The following DLGAP4 variants were observed in gnomAD, a reference collection of about 807,000 sequenced individuals.
The protein encoded by DLGAP4 is DLG associated protein 4, also known as disks large-associated protein 4.
In DLGAP4, 18 loss-of-function variants were observed where a neutral mutation model predicts 86.9. The ratio of observed to expected loss-of-function variants is 0.21; its 90% confidence interval spans 0.14 to 0.31. The LOEUF (loss-of-function observed/expected upper bound fraction) is 0.31, where lower values mean the gene tolerates loss of function less well. Ranked by LOEUF, DLGAP4 falls within the 10% of genes least tolerant of loss-of-function variation. The pLI is 1.00. For synonymous variants in DLGAP4, 548 were observed against 574.3 expected (o/e 0.95, Z 0.65); for missense variants, 1,085 against 1,362.6 (o/e 0.80, Z 3.21).
intron 2 of DLGAP4, among the ~76,000 whole-genome samples, chr20:36,375,484 G>A (rs981397738): frequency 6.6e-6 from 1 of 152,146 alleles, no homozygotes. Context: ...CATGTGCCAG[G>A]TGCTGCACTA....
At chr20:36,380,621 GA>G (rs1402922867) in intron 2 of DLGAP4, among the ~76,000 whole-genome samples, 7 of 63,138 alleles carry the variant, frequency 1.1e-4, no homozygotes, top group African/African-American at 9.4e-4. Context: ...GAGAGAGAGA[GA>G]GAGAGAGAGA....
intron 1 of DLGAP4, among the ~76,000 whole-genome samples, chr20:36,311,595 G>A (rs960837789): frequency 5.3e-5 from 8 of 152,088 alleles, no homozygotes; most frequent in Non-Finnish European, 1.2e-4. Flanking sequence ...CTTCAACAAA[G>A]CATTTTAGAC....
intron 2 of DLGAP4, among the ~76,000 whole-genome samples, chr20:36,408,282 A>T (rs1033275766): frequency 1.3e-5 from 2 of 152,092 alleles, no homozygotes; most frequent in African/African-American, 4.8e-5. Flanking sequence ...CCTTATTGTT[A>T]TCCAGGCAGT....
intron 7 of DLGAP4, among the ~76,000 whole-genome samples, chr20:36,470,635 C>T (rs2034619716): frequency 6.6e-6 from 1 of 151,752 alleles, no homozygotes; most frequent in African/African-American, 2.4e-5. Context: ...CACCTAATCA[C>T]TGTGACGAGT....
At chr20:36,457,540 C>A (rs1438810042) in intron 7 of DLGAP4, among the ~76,000 whole-genome samples, 1 of 152,082 alleles carries the variant, frequency 6.6e-6, no homozygotes, top group Non-Finnish European at 1.5e-5. Context: ...GCCACCACAC[C>A]TGGCTAATTT....
chr20:36,326,905 T>C (rs1054347045), intron 1 of DLGAP4, among the ~76,000 whole-genome samples: 9 of 152,142 alleles, frequency 5.9e-5, no homozygotes, highest in African/African-American at 2.2e-4. Context: ...CTCACTTGCA[T>C]TGTTTTTGAC....
At chr20:36,440,036 C>T (rs2033402568) in intron 5 of DLGAP4, among the ~76,000 whole-genome samples, 168 bp downstream of exon 5, 1 of 152,196 alleles carries the variant, frequency 6.6e-6, no homozygotes, top group Admixed American at 6.5e-5. Flanking sequence ...CTCTGCCCCA[C>T]CAACTGTCCT....
intron 7 of DLGAP4, among the ~76,000 whole-genome samples, chr20:36,471,108 A>AC (rs34131866): frequency 6.6e-6 from 1 of 151,852 alleles, no homozygotes; most frequent in Admixed American, 6.6e-5. Flanking sequence ...CCCCGCCTTC[A>AC]CCCCCAGATT....
intron 2 of DLGAP4, among the ~76,000 whole-genome samples, chr20:36,390,594 C>A (rs1226787726): frequency 6.6e-6 from 1 of 152,182 alleles, no homozygotes; most frequent in African/African-American, 2.4e-5. Flanking sequence ...CCACTGTACC[C>A]CCCTCTAGTC....
intron 7 of DLGAP4, among the ~76,000 whole-genome samples, chr20:36,466,822 C>T (rs771902880): frequency 2.6e-5 from 4 of 152,224 alleles, no homozygotes; most frequent in African/African-American, 4.8e-5. Context: ...CTGTACATCA[C>T]TGGCCTGGAG....
At chr20:36,338,267 G>A (rs1555892239) in intron 1 of DLGAP4, among the ~76,000 whole-genome samples, 4 of 152,154 alleles carry the variant, frequency 2.6e-5, no homozygotes, top group Non-Finnish European at 5.9e-5. Flanking sequence ...TGGAATGGTA[G>A]TAAGAAACAC....
At chr20:36,447,444 CAG>C (rs1450849712) in intron 7 of DLGAP4, among the ~76,000 whole-genome samples, 2 of 152,142 alleles carry the variant, frequency 1.3e-5, no homozygotes, top group African/African-American at 4.8e-5. Context: ...GTTGTTGAGA[CAG>C]AGTCTCACTC....
chr20:36,462,086 G>T (rs973575819), intron 7 of DLGAP4: 23 of 992,506 alleles, frequency 2.3e-5, no homozygotes, highest in Non-Finnish European at 2.8e-5. Context: ...TGCACCCCAA[G>T]TCGCTGGGGT....
chr20:36,414,720 G>A (rs1159617582), intron 2 of DLGAP4, among the ~76,000 whole-genome samples: 1 of 152,218 alleles, frequency 6.6e-6, no homozygotes, highest in Non-Finnish European at 1.5e-5. Context: ...GGGGCTCCAG[G>A]GGGCAGAGGC....
chr20:36,482,044 AG>A (rs2035210627), intron 7 of DLGAP4, among the ~76,000 whole-genome samples: 2 of 152,178 alleles, frequency 1.3e-5, no homozygotes, highest in Admixed American at 1.3e-4. Flanking sequence ...GCACAGAGAC[AG>A]GCAGCATTAC....
chr20:36,423,369 T>C lies in DLGAP4; in HGVS notation c.-72-8277T>C, dbSNP rs147359571. Among the ~76,000 whole-genome samples the C allele has an allele frequency of 1.2e-4, 17 of 144,118 alleles. No homozygotes were observed. The East Asian group carries it at 3.6e-3, about 30-fold the overall frequency. 94.5% of individuals were successfully genotyped at this position (144,118 alleles called of 152,430 possible). On this transcript the variant is annotated intron_variant, in intron 2 of 12. Coordinates refer to ENST00000339266, the MANE Select transcript of DLGAP4 (RefSeq NM_001365621.2). Reference sequence around the variant, plus strand: ...TATTGAGGAGGCTGAGGCAGGAGAATTCCTTGAACTCGGGGGGCAGAGGTT... The same window carrying C: ...TATTGAGGAGGCTGAGGCAGGAGAACTCCTTGAACTCGGGGGGCAGAGGTT...
chr20:36,446,981 G>A (rs1029130408), intron 7 of DLGAP4, 44 bp downstream of exon 7: 15 of 1,555,830 alleles, frequency 9.6e-6, no homozygotes, highest in Non-Finnish European at 1.3e-5. Context: ...CTTTTCAAGG[G>A]GACCCCAAGG....
intron 1 of DLGAP4, among the ~76,000 whole-genome samples, chr20:36,359,126 A>T (rs546939968): frequency 6.6e-6 from 1 of 152,076 alleles, no homozygotes; most frequent in East Asian, 1.9e-4. Flanking sequence ...TTTAATTTTT[A>T]TTATTATTAT....
intron 7 of DLGAP4, among the ~76,000 whole-genome samples, chr20:36,459,195 CT>C (rs2033959170): frequency 6.6e-6 from 1 of 152,034 alleles, no homozygotes; most frequent in African/African-American, 2.4e-5. Flanking sequence ...CTGGGGAGCT[CT>C]TAGGGGAAGG....
Sources: gnomAD v4.1 joint callset for allele counts (sites outside exome capture counted in the v4.1 genomes callset) on GRCh38, gnomAD v4.1.1 for gene constraint, MANE v1.5 for transcripts, NCBI Gene and HGNC (gene_info 2026-07-23, HGNC 2026-07-21) for gene names.